PCDHA6: variants seen among roughly 807,000 people sequenced by gnomAD.
PCDHA6 encodes protocadherin alpha 6.
A neutral mutation model predicts 60.3 loss-of-function variants in PCDHA6; 55 were observed. The ratio of observed to expected loss-of-function variants is 0.91; its 90% confidence interval spans 0.73 to 1.14. PCDHA6 has a LOEUF of 1.14. PCDHA6 is among the 50% of genes most tolerant of loss of function. The pLI, the probability that PCDHA6 is intolerant of heterozygous loss-of-function variation, is 0.00. For synonymous variants in PCDHA6, 652 were observed against 557.9 expected, an observed-to-expected ratio of 1.17 and a Z score of -2.38; for missense variants, 1,327 against 1,256.5, an observed-to-expected ratio of 1.06 and a Z score of -0.85.
intron 3 of PCDHA6, among the ~76,000 whole-genome samples, chr5:140,982,882 C>CAGAGA (rs1353974224): frequency 6.6e-6 from 1 of 151,972 alleles, no homozygotes; most frequent in African/African-American, 2.4e-5. Context: ...CCAAGCCATG[C>CAGAGA]AGAGAAGATC....
chr5:140,955,297 T>C (rs2153705828), intron 1 of PCDHA6, among the ~76,000 whole-genome samples: 1 of 152,262 alleles, frequency 6.6e-6, no homozygotes, highest in East Asian at 1.9e-4. Context: ...TTTGGCTGTG[T>C]CCCCACCCAA....
In PCDHA6 at chr5:140,843,823, A is replaced by G; in HGVS notation, c.2394+13338A>G. ...CACCGTATTTTATAGTGAAAATTTAAACATTGTTTAGTTTTTAGAAACCTT... is the reference window on the plus strand; with the variant it reads ...CACCGTATTTTATAGTGAAAATTTAGACATTGTTTAGTTTTTAGAAACCTT... On this transcript the variant is annotated intron_variant, in intron 1 of 3. Transcript: ENST00000529310. 4 of 1,201,188 alleles carry G rather than the reference A, an allele frequency of 3.3e-6. 1 individual carries two copies. The highest frequency in any genetic ancestry group is 4.7e-6 in the Non-Finnish European group (4 of 852,276). 74.4% of individuals were successfully genotyped at this position (1,201,188 alleles called of 1,614,324 possible). A position where few individuals can be genotyped will look rare whatever the true frequency, so the allele number is the denominator to read the frequency against.
rs529382424 is a variant in PCDHA6 at position 140,924,810 on chromosome 5, G to A, written c.2395-54139G>A. 4.8e-4 allele frequency among the ~76,000 whole-genome samples: 73 copies of A among 151,660 alleles called. No homozygotes were observed. The South Asian group carries it at 9.2e-3, about 19-fold the overall frequency. ...CTTAGGAGGCTGAGGCAAGAGAATC[G>A]CTTGAACCTGGGAGGGGGAGGTTGC... On this transcript the variant is annotated intron_variant, in intron 1 of 3. Transcript: ENST00000529310.
intron 1 of PCDHA6, chr5:140,854,477 T>C (rs1479298342): frequency 1.3e-5 from 2 of 149,980 alleles, no homozygotes; most frequent in African/African-American, 2.4e-5. Flanking sequence ...TAGAGAAGTA[T>C]AGAAACAGAA....
intron 1 of PCDHA6, chr5:140,836,574 G>A (rs2150264470): frequency 1.9e-6 from 3 of 1,613,706 alleles, no homozygotes; most frequent in East Asian, 4.5e-5. Flanking sequence ...CTCTGAGGGC[G>A]CATGTAGTTT....
chr5:140,841,016 A>G (rs1375684140), intron 1 of PCDHA6, among the ~76,000 whole-genome samples: 1 of 152,070 alleles, frequency 6.6e-6, no homozygotes, highest in African/African-American at 2.4e-5. Context: ...AGACAGTATG[A>G]ATGCCTCTGC....
intron 1 of PCDHA6, chr5:140,869,657 A>G (rs2051312714): frequency 6.2e-7 from 1 of 1,613,452 alleles, no homozygotes; most frequent in South Asian, 1.1e-5. Flanking sequence ...TCACCAACAA[A>G]TGGTAAGCAG....
chr5:140,870,198 C>A, intron 1 of PCDHA6: 2 of 1,614,172 alleles, frequency 1.2e-6, no homozygotes, highest in Non-Finnish European at 1.7e-6. Flanking sequence ...CTCAGCCCAG[C>A]ACGGTCATTG....
intron 1 of PCDHA6, chr5:140,883,326 C>T (rs374138267): frequency 3.1e-6 from 5 of 1,614,044 alleles, no homozygotes; most frequent in Admixed American, 1.7e-5. Flanking sequence ...GTTACCATCA[C>T]TTCTTTGTCA....
chr5:140,870,317 C>T (rs782216904), intron 1 of PCDHA6: 9 of 1,614,198 alleles, frequency 5.6e-6, no homozygotes, highest in South Asian at 2.2e-5. Flanking sequence ...AATTACTACT[C>T]GTTGGTGCTG....
intron 1 of PCDHA6, chr5:140,843,878 T>A (rs1234503395): frequency 5.4e-6 from 4 of 744,588 alleles, no homozygotes; most frequent in Non-Finnish European, 8.7e-6. Context: ...CTCAGTGGCA[T>A]AATACAGTAT....
intron 1 of PCDHA6, among the ~76,000 whole-genome samples, chr5:140,934,025 A>C (rs190533956): frequency 1.2e-3 from 183 of 152,100 alleles, no homozygotes; most frequent in Non-Finnish European, 2.2e-3. Flanking sequence ...ACTTGGAAGT[A>C]GTTTATTAAT....
intron 1 of PCDHA6, chr5:140,927,680 G>T: frequency 6.2e-7 from 1 of 1,614,140 alleles, no homozygotes; most frequent in Non-Finnish European, 8.5e-7. Context: ...CCAGATGAAG[G>T]GTCCAATGGG....
At chr5:140,895,677 G>T (rs1554186594) in intron 1 of PCDHA6, among the ~76,000 whole-genome samples, 2 of 151,984 alleles carry the variant, frequency 1.3e-5, no homozygotes, top group African/African-American at 4.8e-5. Flanking sequence ...GTAGTATTTG[G>T]TTTTCTGTTT....
Position 141,010,316 on chromosome 5 carries a change from G to T in PCDHA6, c.*379G>T. ...GGGCAGGCTGAAAAGTTTTGAGATT[G>T]AGCAGCTTGGGAGTTTGTGGCCACT... On this transcript the variant is annotated 3_prime_UTR_variant, in exon 4 of 4. Coordinates refer to ENST00000529310, the MANE Select transcript of PCDHA6 (RefSeq NM_018909.4). The T allele has an allele frequency of 1.3e-6, 2 of 1,546,404 alleles. No individual in the cohort carries two copies. The highest frequency in any genetic ancestry group is 2.4e-5 in the South Asian group (2 of 83,328).
chr5:140,957,063 C>T (rs2095330338), intron 1 of PCDHA6, among the ~76,000 whole-genome samples: 2 of 152,058 alleles, frequency 1.3e-5, no homozygotes, highest in African/African-American at 4.8e-5. Flanking sequence ...ATAAATGTGA[C>T]TGAGGGCTTT....
intron 1 of PCDHA6, among the ~76,000 whole-genome samples, chr5:140,951,285 A>T (rs1267785922): frequency 6.6e-6 from 1 of 152,100 alleles, no homozygotes; most frequent in East Asian, 1.9e-4. Context: ...GTAATTTTGG[A>T]TTATATCTTG....
intron 1 of PCDHA6, among the ~76,000 whole-genome samples, chr5:140,914,744 T>C (rs989394283): frequency 6.6e-6 from 1 of 152,280 alleles, no homozygotes; most frequent in Non-Finnish European, 1.5e-5. Context: ...TGTATGTTTT[T>C]CCATTTGAGG....
rs1563652468 is a variant in PCDHA6, at chr5:141,000,419, A to ATTT, written c.2543-9207_2543-9206insTTT. 1.8e-3 allele frequency among the ~76,000 whole-genome samples: 107 copies of ATTT among 60,980 alleles called. 1 individual carries two copies. The highest frequency in any genetic ancestry group is 3.1e-3 in the African/African-American group (41 of 13,160). 40.0% of individuals were successfully genotyped at this position (60,980 alleles called of 152,430 possible). ...TCTATATATATATATATATATATAT[A>ATTT]TATTTTTTTTTTTTTTTTTTTTTTT... On this transcript the variant is annotated intron_variant, in intron 3 of 3. Transcript: ENST00000529310.
Sources: allele counts gnomAD v4.1 joint callset (sites outside exome capture counted in the v4.1 genomes callset), GRCh38; gene constraint gnomAD v4.1.1; transcripts MANE v1.5; gene names NCBI Gene and HGNC (gene_info 2026-07-23, HGNC 2026-07-21).